HSF4: variants seen among roughly 807,000 people sequenced by gnomAD.
HSF4 encodes the protein heat shock factor protein 4.
In HSF4, 41 loss-of-function variants were observed where a neutral mutation model predicts 52.0. That is an observed-to-expected ratio of 0.79 (90% CI 0.61 to 1.02). HSF4 has a LOEUF of 1.02. Ranked by LOEUF, HSF4 falls within the 50% of genes least tolerant of loss-of-function variation. The probability of loss-of-function intolerance (pLI) is 0.00; values close to 1 mark genes in which losing one functional copy is unlikely to be tolerated. For synonymous variants in HSF4, 285 were observed against 273.0 expected, an observed-to-expected ratio of 1.04 and a Z score of -0.43; for missense variants, 610 against 651.1, an observed-to-expected ratio of 0.94 and a Z score of 0.69.
rs755472426 is a variant in HSF4 at position 67,166,364 on chromosome 16, G to C, written c.530G>C (p.Ser177Thr). ...CGGGAGGTGGTGACACTTCGGCAGA[G>C]CCACGGTCAGCAGCACCGGGTCATT... Reference protein sequence around the residue: ...LWREVVTLRQSHGQQHRVIGK... With the variant: ...LWREVVTLRQTHGQQHRVIGK... The change falls in exon 5 of 13, where the codon AGC becomes ACC. Residue 177 changes from serine to threonine, a missense_variant. Physicochemically the swap from Ser to Thr is moderately conservative, Grantham distance 58. Transcript: ENST00000521374. 2 of 1,609,340 alleles carry C rather than the reference G, an allele frequency of 1.2e-6. No individual in the cohort carries two copies. Among genetic ancestry groups the C allele is most frequent in the South Asian group, 2.2e-5 (2 of 90,334 alleles).
At chr16:67,166,504 G>T in intron 5 of HSF4, 54 bp from the exon 6 acceptor site, 1 of 1,604,436 alleles carries the variant, frequency 6.2e-7, no homozygotes, top group East Asian at 2.2e-5. Flanking sequence ...CTGGAAGTGC[G>T]GGGGTGGGGG....
chr16:67,169,831 A>T lies in HSF4; in HGVS notation c.*46A>T. 1 of 1,611,124 alleles carries T rather than the reference A, an allele frequency of 6.2e-7. No homozygotes were observed. Among genetic ancestry groups the T allele is most frequent in the Non-Finnish European group, 8.5e-7 (1 of 1,178,778 alleles). On this transcript the variant is annotated 3_prime_UTR_variant, in exon 13 of 13. Coordinates refer to ENST00000521374, the MANE Select transcript of HSF4 (RefSeq NM_001374675.1). The surrounding 1 kb of genome is among the most constrained non-coding windows in gnomAD (Gnocchi z 4.3). ...GCTTGGAACCAGTCCGCCGCTGCAC[A>T]TCCTTCTTGGCTTCCTGGCGCCCCC...
chr16:67,167,954 A>C lies in HSF4; in HGVS notation c.1082+7A>C, dbSNP rs1435099751. The stretch of plus-strand genomic sequence containing the variant: ...CCAGGGAGATACCTGACAGGTGAGC[A>C]GAGCCCCAGCTGGCCCATGAGCCCT... On this transcript the variant is annotated splice_region_variant and intron_variant, in intron 9 of 12. Transcript: ENST00000521374. 1.0e-5 allele frequency: 16 copies of C among 1,578,436 alleles called. No individual in the cohort carries two copies. Among genetic ancestry groups the C allele is most frequent in the African/African-American group, 1.3e-5 (1 of 74,548 alleles).
Position 67,169,777 on chromosome 16 carries a change from TC to T in HSF4, c.1476del (p.Ter493LysfsTer6), listed in dbSNP as rs2031619900. 1.2e-6 allele frequency: 2 copies of T among 1,612,616 alleles called. No individual in the cohort carries two copies. Among genetic ancestry groups the T allele is most frequent in the Non-Finnish European group, 1.7e-6 (2 of 1,179,774 alleles). On this transcript the variant is annotated frameshift_variant, in exon 13 of 13. Coordinates refer to ENST00000521374, the MANE Select transcript of HSF4 (RefSeq NM_001374675.1). LOFTEE classifies it high-confidence loss of function. This position sits in a 1 kb window ranked among gnomAD's most constrained non-coding sequence, Gnocchi z 4.3. ...CTACTTGGGCCCGGAAGCCAGTCCC[TC>T]CCCCTAAGACCCCGCGCCTCTGAAG... ...ASYLGPEASP[S>X]P
chr16:67,169,291 G>C lies in HSF4; in HGVS notation c.1267G>C (p.Val423Leu). 1 of 1,613,676 alleles carries C rather than the reference G, an allele frequency of 6.2e-7. No homozygotes were observed. Among genetic ancestry groups the C allele is most frequent in the Non-Finnish European group, 8.5e-7 (1 of 1,179,994 alleles). The change falls in exon 12 of 13, where the codon GTT (valine) becomes CTT (leucine). Residue 423 changes from valine to leucine, a missense_variant. Coordinates refer to ENST00000521374, the MANE Select transcript of HSF4 (RefSeq NM_001374675.1). The surrounding 1 kb of genome is among the most constrained non-coding windows in gnomAD (Gnocchi z 4.3). ...GGTTCTCACGCAGATGCAGCCCTTG[G>C]TTCCAGAGCGGGGTGAGCCTGAGCT... ...DMELSLMQPL[V>L]PERGEPELAV... is the part of the protein sequence containing the mutation.
rs756720293 is a variant in HSF4, at chr16:67,167,765, G to C, written c.900G>C (p.Gly300=). ...TCAAAGAAGAGCCGGCCAGTCCAGGGGGGGATGGCGAGGCCGGGCTGGCCC... is the reference window on the plus strand; with the variant it reads ...TCAAAGAAGAGCCGGCCAGTCCAGGCGGGGATGGCGAGGCCGGGCTGGCCC... ...ALLKEEPASP[G]GDGEAGLALA... Residue 300 remains glycine (G), a synonymous_variant, in exon 9 of 13, where the codon GGG becomes GGC. Coordinates refer to ENST00000521374, the MANE Select transcript of HSF4 (RefSeq NM_001374675.1). 34 of 1,604,938 alleles carry C rather than the reference G, an allele frequency of 2.1e-5. No homozygotes were observed. The highest frequency in any genetic ancestry group is 2.9e-5 in the Non-Finnish European group (34 of 1,176,314).
chr16:67,167,296 C>G, intron 7 of HSF4, 74 bp downstream of exon 7: 1 of 1,610,750 alleles, frequency 6.2e-7, no homozygotes. Context: ...TCCCCATCCC[C>G]TAAAAGGAAG....
In HSF4 at chr16:67,167,950, G is replaced by T; in HGVS notation, c.1082+3G>T. 2 of 1,583,216 alleles carry T rather than the reference G, an allele frequency of 1.3e-6. No homozygotes were observed. Among genetic ancestry groups the T allele is most frequent in the South Asian group, 1.1e-5 (1 of 88,418 alleles). ...GATCCCAGGGAGATACCTGACAGGT[G>T]AGCAGAGCCCCAGCTGGCCCATGAG... On this transcript the variant is annotated splice_donor_region_variant and intron_variant, in intron 9 of 12. Coordinates refer to ENST00000521374, the MANE Select transcript of HSF4 (RefSeq NM_001374675.1).
At position 67,165,715 on chromosome 16, in the gene HSF4, C is replaced by T; in HGVS notation, c.233-4C>T. The T allele has an allele frequency of 6.2e-7, 1 of 1,612,102 alleles. No individual in the cohort carries two copies. Among genetic ancestry groups the T allele is most frequent in the Non-Finnish European group, 8.5e-7 (1 of 1,179,818 alleles). ...GACCCACGCCCCCACGCCCCACTCC[C>T]CAGACGGTTTTCGGAAGGTGGTGAG... On this transcript the variant is annotated splice_region_variant and splice_polypyrimidine_tract_variant and intron_variant, in intron 2 of 12. Transcript: ENST00000521374. This position sits in a 1 kb window ranked among gnomAD's most constrained non-coding sequence, Gnocchi z 6.9.
intron 9 of HSF4, 108 bp downstream of exon 9, chr16:67,168,055 C>T (rs1348315719): frequency 1.0e-6 from 1 of 954,646 alleles, no homozygotes; most frequent in Non-Finnish European, 1.6e-6. Context: ...ATTTCTTGGC[C>T]CCAGCATCAG....
Position 67,166,378 on chromosome 16 carries a change from C to G in HSF4, c.544C>G (p.His182Asp), listed in dbSNP as rs779844642. The G allele has an allele frequency of 3.7e-6, 6 of 1,610,012 alleles. No individual in the cohort carries two copies. The highest frequency in any genetic ancestry group is 5.1e-6 in the Non-Finnish European group (6 of 1,178,196). ...VTLRQSHGQQ[H>D]RVIGKLIQCL... ...ACTTCGGCAGAGCCACGGTCAGCAG[C>G]ACCGGGTCATTGGCAAGGTGTTCCT... Residue 182 changes from histidine to aspartate, a missense_variant, in exon 5 of 13, where the codon CAC becomes GAC. Coordinates refer to ENST00000521374, the MANE Select transcript of HSF4 (RefSeq NM_001374675.1).
At position 67,165,656 on chromosome 16, in the gene HSF4, G is replaced by C; in HGVS notation, c.232+26G>C. The stretch of plus-strand genomic sequence containing the variant: ...GTGAGTCCCTACGGCCGGGCGGGGA[G>C]CGGGGATGGGGGACTCGGTGCCGGG... On this transcript the variant is annotated intron_variant, in intron 2 of 12. Coordinates refer to ENST00000521374, the MANE Select transcript of HSF4 (RefSeq NM_001374675.1). The surrounding 1 kb of genome is among the most constrained non-coding windows in gnomAD (Gnocchi z 6.9). The C allele has an allele frequency of 6.2e-7, 1 of 1,612,506 alleles. No homozygotes were observed.
chr16:67,165,830 A>C lies in HSF4; in HGVS notation c.344A>C (p.Glu115Ala). 1 of 1,605,506 alleles carries C rather than the reference A, an allele frequency of 6.2e-7. No individual in the cohort carries two copies. Among genetic ancestry groups the C allele is most frequent in the Non-Finnish European group, 8.5e-7 (1 of 1,179,148 alleles). The stretch of plus-strand genomic sequence containing the variant: ...GTGCGCGGCCGCGAGCAGCTACTGG[A>C]GCGCGTGCGGCGCAAGGTGGGGGCG... ...SFVRGREQLL[E>A]RVRRKVPALR... Residue 115 changes from glutamate to alanine, a missense_variant, in exon 3 of 13, where the codon GAG becomes GCG. By Grantham distance (107) the Glu-to-Ala change is moderately radical. Transcript: ENST00000521374. This position sits in a 1 kb window ranked among gnomAD's most constrained non-coding sequence, Gnocchi z 6.9.
At position 67,164,944 on chromosome 16, in the gene HSF4, G is replaced by C; in HGVS notation, c.123+10G>C. On this transcript the variant is annotated intron_variant, in intron 1 of 12. Transcript: ENST00000521374. ...GATCCGCTGGAGCCCGGTGAGGGCC[G>C]GGGCCCCTCGATTCCCCCTGTGGTC... 1 of 1,595,692 alleles carries C rather than the reference G, an allele frequency of 6.3e-7. No individual in the cohort carries two copies.
chr16:67,169,680 C>G lies in HSF4; in HGVS notation c.1374C>G (p.Ala458=). ...CACTCCTGCTGGATGTCCAGGCGGC[C>G]TTGGGAGGCCCAGCCCTGGGCCTGC... is the stretch of plus-strand genomic sequence containing the variant. ...GAPLLLDVQA[A]LGGPALGLPG... Residue 458 remains alanine (A), a synonymous_variant, in exon 13 of 13, where the codon GCC becomes GCG. Transcript: ENST00000521374. The surrounding 1 kb of genome is among the most constrained non-coding windows in gnomAD (Gnocchi z 4.3). 1 of 1,612,442 alleles carries G rather than the reference C, an allele frequency of 6.2e-7. No homozygotes were observed. Among genetic ancestry groups the G allele is most frequent in the Non-Finnish European group, 8.5e-7 (1 of 1,179,990 alleles).
chr16:67,168,764 ATCT>A, intron 9 of HSF4, 64 bp from the exon 10 acceptor site: 1 of 1,200,906 alleles, frequency 8.3e-7, no homozygotes, highest in East Asian at 2.3e-5. Context: ...ATCTTGATGC[ATCT>A]GGGTTCCTTG....
upstream of HSF4, chr16:67,164,680 C>T: frequency 9.0e-7 from 1 of 1,108,408 alleles, no homozygotes; most frequent in Non-Finnish European, 1.2e-6. Context: ...CGCGGGCTTG[C>T]ACGTGGCCCC....
rs2031304570 is a variant in HSF4 at position 67,166,465 on chromosome 16, G to T, written c.561+70G>T. ...ACCCCATTCCACCGCCCAGTCCCCC[G>T]GCGCCCCTGTTAAGCCTTCCTCCCT... is the stretch of plus-strand genomic sequence containing the variant. On this transcript the variant is annotated intron_variant, in intron 5 of 12. Coordinates refer to ENST00000521374, the MANE Select transcript of HSF4 (RefSeq NM_001374675.1). 5.6e-6 allele frequency: 9 copies of T among 1,594,602 alleles called. No homozygotes were observed. The Admixed American group carries it at 1.5e-4, about 27-fold the overall frequency.
rs983602342 is a variant in HSF4 at position 67,165,754 on chromosome 16, G to A, written c.268G>A (p.Gly90Ser). 6.2e-7 allele frequency: 1 copy of A among 1,611,208 alleles called. No individual in the cohort carries two copies. Among genetic ancestry groups the A allele is most frequent in the Admixed American group, 1.7e-5 (1 of 59,964 alleles). Residue 90 changes from glycine (G) to serine (S), a missense_variant, in exon 3 of 13, where the codon GGC becomes AGC. By Grantham distance (56) the Gly-to-Ser change is moderately conservative. Coordinates refer to ENST00000521374, the MANE Select transcript of HSF4 (RefSeq NM_001374675.1). This position sits in a 1 kb window ranked among gnomAD's most constrained non-coding sequence, Gnocchi z 6.9. ...FRKVVSIEQGGLLRPERDHVE... is the reference protein window; with the variant it reads ...FRKVVSIEQGSLLRPERDHVE... ...GAAGGTGGTGAGCATCGAGCAGGGC[G>A]GCCTGCTTAGGCCGGAGCGCGACCA... is the stretch of plus-strand genomic sequence containing the variant.
Sources: allele counts gnomAD v4.1 joint callset, GRCh38; gene constraint gnomAD v4.1.1; non-coding constraint Gnocchi (gnomAD v3.1); transcripts MANE v1.5; gene names NCBI Gene and HGNC (gene_info 2026-07-23, HGNC 2026-07-21).